Variants in DECR1 observed in about 807,000 individuals in gnomAD.
DECR1 encodes 2,4-dienoyl-CoA reductase 1.
A neutral mutation model predicts 38.8 loss-of-function variants in DECR1; 44 were observed. The ratio of observed to expected loss-of-function variants is 1.13; its 90% CI spans 0.89 to 1.46. The LOEUF is 1.46. DECR1 is among the 40% of genes most tolerant of loss of function. The pLI, the probability that DECR1 is intolerant of heterozygous loss-of-function variation, is 0.00. For synonymous variants in DECR1, 148 were observed against 135.2 expected (o/e 1.09, Z -0.66); for missense variants, 428 against 405.5 (o/e 1.06, Z -0.48).
At chr8:90,010,076 TA>T (rs1279315774) in intron 1 of DECR1, among the ~76,000 whole-genome samples, 1 of 152,230 alleles carries the variant, frequency 6.6e-6, no homozygotes, top group African/African-American at 2.4e-5. Flanking sequence ...GTTTCTTTTA[TA>T]TTTGTTTAGC....
intron 1 of DECR1, chr8:90,006,357 A>G: frequency 4.3e-6 from 3 of 703,392 alleles, no homozygotes; most frequent in East Asian, 5.4e-5. Flanking sequence ...AGTTAGCCAA[A>G]GGGAGAGATG....
At chr8:90,043,953 T>C (rs1813825216) in intron 7 of DECR1, among the ~76,000 whole-genome samples, 1 of 152,232 alleles carries the variant, frequency 6.6e-6, no homozygotes, top group Non-Finnish European at 1.5e-5. Context: ...GTTCACTGTA[T>C]CTACGGGTAC....
intron 4 of DECR1, 138 bp from the exon 5 acceptor site, chr8:90,020,771 A>G (rs1465569151): frequency 5.2e-6 from 3 of 578,328 alleles, no homozygotes; most frequent in Non-Finnish European, 8.1e-6. Context: ...ACCAAATCTC[A>G]TGGTATTGTT....
intron 6 of DECR1, 87 bp from the exon 7 acceptor site, chr8:90,042,641 A>G: frequency 9.1e-7 from 1 of 1,094,426 alleles, no homozygotes; most frequent in Non-Finnish European, 1.4e-6. Context: ...TCTGGCATGT[A>G]GTAAGCATCT....
At chr8:90,029,676 G>C (rs1370708248) in intron 5 of DECR1, among the ~76,000 whole-genome samples, 1 of 152,140 alleles carries the variant, frequency 6.6e-6, no homozygotes, top group Non-Finnish European at 1.5e-5. Context: ...TAACCATCTT[G>C]CTGTTCTTCT....
At chr8:90,021,621 G>A (rs1813167248) in intron 5 of DECR1, among the ~76,000 whole-genome samples, 1 of 152,208 alleles carries the variant, frequency 6.6e-6, no homozygotes, top group South Asian at 2.1e-4. Context: ...TGATTGGAAA[G>A]GTTAGTGACA....
Position 90,053,143 on chromosome 8 carries a change from G to C in DECR1, c.*1246G>C, listed in dbSNP as rs558827104. 6.6e-6 allele frequency among the ~76,000 whole-genome samples: 1 copy of C among 151,890 alleles called. No individual in the cohort carries two copies. The highest frequency in any genetic ancestry group is 1.5e-5 in the Non-Finnish European group (1 of 67,982). Reference sequence around the variant, plus strand: ...CAATACAATACTCTCAAAATAAAACGCAGACAGGTACCTAGTCTCCATTTT... The same window carrying C: ...CAATACAATACTCTCAAAATAAAACCCAGACAGGTACCTAGTCTCCATTTT... On this transcript the variant is annotated 3_prime_UTR_variant, in exon 10 of 10. Transcript: ENST00000220764.
intron 1 of DECR1, among the ~76,000 whole-genome samples, chr8:90,007,019 TA>T (rs1812758369): frequency 6.6e-6 from 1 of 152,038 alleles, no homozygotes; most frequent in Non-Finnish European, 1.5e-5. Context: ...GGTATATAGA[TA>T]AATAAGCTAC....
In DECR1 at chr8:90,051,558, T is replaced by G. The variant is rs965386806; in HGVS notation, c.886-119T>G. Reference sequence around the variant, plus strand: ...AATCATGAGTTTTATCTTTAAAATTTGGGCTTGATTTAAAGTGCCAAAGAG... The same window carrying G: ...AATCATGAGTTTTATCTTTAAAATTGGGGCTTGATTTAAAGTGCCAAAGAG... On this transcript the variant is annotated intron_variant, in intron 8 of 9. Coordinates refer to ENST00000220764, the MANE Select transcript of DECR1 (RefSeq NM_001359.2). The G allele has an allele frequency of 2.0e-5, 14 of 685,264 alleles. No homozygotes were observed. The African/African-American group carries it at 2.5e-4, about 12-fold the overall frequency. 42.4% of individuals were successfully genotyped at this position (685,264 alleles called of 1,614,324 possible). A position where few individuals can be genotyped will look rare whatever the true frequency, so the allele number is the denominator to read the frequency against.
intron 8 of DECR1, among the ~76,000 whole-genome samples, chr8:90,049,676 CT>C (rs1298339896): frequency 3.3e-5 from 5 of 152,146 alleles, no homozygotes; most frequent in Non-Finnish European, 5.9e-5. Flanking sequence ...GAAAAAACTA[CT>C]TTTAAAGTTC....
intron 4 of DECR1, 106 bp downstream of exon 4, chr8:90,019,278 A>G: frequency 1.1e-6 from 1 of 918,752 alleles, no homozygotes; most frequent in Non-Finnish European, 1.7e-6. Context: ...AGGACAGGCA[A>G]GCCCGAATCT....
intron 5 of DECR1, among the ~76,000 whole-genome samples, chr8:90,022,078 T>A (rs192210059): frequency 6.6e-6 from 1 of 152,130 alleles, no homozygotes; most frequent in East Asian, 1.9e-4. Flanking sequence ...CCTGAATAAT[T>A]TGGGGAACTT....
chr8:90,043,441 A>T (rs756252888), intron 7 of DECR1, among the ~76,000 whole-genome samples: 1 of 152,210 alleles, frequency 6.6e-6, no homozygotes, highest in East Asian at 1.9e-4. Flanking sequence ...GAATATCCAC[A>T]CCTTCTCTGC....
At chr8:90,014,537 A>G (rs548444769) in intron 1 of DECR1, among the ~76,000 whole-genome samples, 1 of 152,344 alleles carries the variant, frequency 6.6e-6, no homozygotes, top group Admixed American at 6.5e-5. Flanking sequence ...AAAATGTGCT[A>G]TGTAATAACC....
At chr8:90,051,032 G>A (rs1814072124) in intron 8 of DECR1, among the ~76,000 whole-genome samples, 1 of 152,106 alleles carries the variant, frequency 6.6e-6, no homozygotes, top group African/African-American at 2.4e-5. Flanking sequence ...CGTGGGGTGG[G>A]AGGAGCGGGG....
At chr8:90,004,640 A>T (rs1291711890) in intron 1 of DECR1, among the ~76,000 whole-genome samples, 1 of 152,030 alleles carries the variant, frequency 6.6e-6, no homozygotes, top group Non-Finnish European at 1.5e-5. Context: ...AACCAACTAG[A>T]TGTGTTTTCT....
rs977505106 is a variant in DECR1 at position 90,052,914 on chromosome 8, C to T, written c.*1017C>T. Among the ~76,000 whole-genome samples, 1 of 152,140 alleles carries T rather than the reference C, an allele frequency of 6.6e-6. No individual in the cohort carries two copies. The highest frequency in any genetic ancestry group is 2.4e-5 in the African/African-American group (1 of 41,426). On this transcript the variant is annotated 3_prime_UTR_variant, in exon 10 of 10. Transcript: ENST00000220764. Reference sequence around the variant, plus strand: ...AAGAGGAAACCAGCTTCCATCTTACCTCATCTGAATAAATCTGCCACAAGC... The same window carrying T: ...AAGAGGAAACCAGCTTCCATCTTACTTCATCTGAATAAATCTGCCACAAGC...
intron 5 of DECR1, among the ~76,000 whole-genome samples, chr8:90,026,561 G>A (rs981743898): frequency 2.0e-5 from 3 of 152,070 alleles, no homozygotes; most frequent in African/African-American, 7.2e-5. Flanking sequence ...TGTGGGATCG[G>A]TGGTGATATC....
chr8:90,039,613 G>T (rs1813699475), intron 6 of DECR1, among the ~76,000 whole-genome samples: 1 of 152,148 alleles, frequency 6.6e-6, no homozygotes, highest in Admixed American at 6.6e-5. Flanking sequence ...TAATCTCTCA[G>T]CTCCTCCTTT....
Sources: allele counts gnomAD v4.1 joint callset (sites outside exome capture counted in the v4.1 genomes callset), GRCh38; gene constraint gnomAD v4.1.1; transcripts MANE v1.5; gene names NCBI Gene and HGNC (gene_info 2026-07-23, HGNC 2026-07-21).